GCC2: variants seen among roughly 807,000 people sequenced by gnomAD.
GCC2 encodes GRIP and coiled-coil domain containing 2.
Under a neutral mutation model 210.6 loss-of-function variants are expected in GCC2, and 120 were observed. That is an observed-to-expected ratio of 0.57 (90% CI 0.49 to 0.66). The LOEUF (loss-of-function observed/expected upper bound fraction) is 0.66. GCC2 is among the 30% of genes least tolerant of loss of function. The pLI, the probability that GCC2 is intolerant of heterozygous loss-of-function variation, is 0.00. For missense variants in GCC2, 1,868 were observed against 1,871.9 expected, an observed-to-expected ratio of 1.00 and a Z score of 0.04; for synonymous variants, 703 against 652.7, an observed-to-expected ratio of 1.08 and a Z score of -1.17.
intron 22 of GCC2, among the ~76,000 whole-genome samples, chr2:108,500,374 G>A (rs565018141): frequency 3.9e-5 from 6 of 152,204 alleles, no homozygotes; most frequent in South Asian, 2.1e-4. Flanking sequence ...TTAGCTGGAC[G>A]TGGTGGCATG....
Position 108,470,455 on chromosome 2 carries a change from T to A in GCC2, c.1126T>A (p.Phe376Ile), listed in dbSNP as rs761585182. 3 of 1,607,024 alleles carry A rather than the reference T, an allele frequency of 1.9e-6. No individual in the cohort carries two copies. Among genetic ancestry groups the A allele is most frequent in the Non-Finnish European group, 2.6e-6 (3 of 1,174,564 alleles). ...GGATGCTCAACATATAAAGGATGAGTTTTTTCATGAACGGGAAGACTTAGA... is the reference window on the plus strand; with the variant it reads ...GGATGCTCAACATATAAAGGATGAGATTTTTCATGAACGGGAAGACTTAGA... Reference protein sequence around the residue: ...EMDAQHIKDEFFHEREDLEFK... With the variant: ...EMDAQHIKDEIFHEREDLEFK... Residue 376 changes from phenylalanine to isoleucine, a missense_variant, in exon 6 of 23, where the codon TTT (phenylalanine) becomes ATT (isoleucine). By Grantham distance (21) the Phe-to-Ile change is conservative. This residue lies in a region of GCC2 where 1,847 missense variants were observed against 1,765.2 expected (regional missense o/e 1.05). Transcript: ENST00000309863.
Position 108,475,564 on chromosome 2 carries a change from G to A in GCC2, c.2890G>A (p.Glu964Lys). The A allele has an allele frequency of 2.7e-6, 4 of 1,504,532 alleles. No homozygotes were observed. The highest frequency in any genetic ancestry group is 2.7e-6 in the Non-Finnish European group (3 of 1,118,434). The allele number at this position is 1,504,532 out of a possible 1,614,324, so 93.2% of individuals were successfully genotyped here. ...TCTGGAAAAAGAATGCAAAGAAAAG[G>A]AGGAGAAAATAAATAAGATAAAATT... ...ENLEKECKEK[E>K]EKINKIKLVA... The change falls in exon 8 of 23, where the codon GAG becomes AAG. Residue 964 changes from glutamate (E) to lysine (K), a missense_variant. By Grantham distance (56) the Glu-to-Lys change is moderately conservative. Transcript: ENST00000309863.
At chr2:108,488,424 G>C (rs546868324) in intron 17 of GCC2, among the ~76,000 whole-genome samples, 18 of 152,234 alleles carry the variant, frequency 1.2e-4, no homozygotes, top group African/African-American at 3.1e-4. Context: ...TGTCGTGGTA[G>C]AAATACAGGC....
chr2:108,483,073 T>C lies in GCC2; in HGVS notation c.3357T>C (p.Thr1119=). The stretch of plus-strand genomic sequence containing the variant: ...ATTTTTAATTTCAGGAACATGCCAC[T>C]ACTGTAAATGAACTTGAAGAACTTC... ...QKEQKIKEHA[T]TVNELEELQV... is the part of the protein sequence containing the mutation. Residue 1119 remains threonine (T), a synonymous_variant, in exon 12 of 23, where the codon ACT becomes ACC. Transcript: ENST00000309863. 6.5e-7 allele frequency: 1 copy of C among 1,545,566 alleles called. No homozygotes were observed. Among genetic ancestry groups the C allele is most frequent in the Non-Finnish European group, 8.9e-7 (1 of 1,118,078 alleles).
In GCC2 at chr2:108,508,818, T is replaced by C. The variant is rs1195165001; in HGVS notation, c.*1188T>C. Reference sequence around the variant, plus strand: ...ACTGTGTTGTTCTTAAATCAAAAATTGGATAATTTGTAATATTTATGTGTT... The same window carrying C: ...ACTGTGTTGTTCTTAAATCAAAAATCGGATAATTTGTAATATTTATGTGTT... On this transcript the variant is annotated 3_prime_UTR_variant, in exon 23 of 23. Transcript: ENST00000309863. 6.6e-6 allele frequency: 1 copy of C among 152,634 alleles called. No homozygotes were observed. Among genetic ancestry groups the C allele is most frequent in the African/African-American group, 2.4e-5 (1 of 41,454 alleles). 9.5% of individuals were successfully genotyped at this position (152,634 alleles called of 1,614,324 possible).
At chr2:108,456,877 A>C (rs1389106428) in intron 4 of GCC2, among the ~76,000 whole-genome samples, 1 of 150,470 alleles carries the variant, frequency 6.6e-6, no homozygotes, top group Non-Finnish European at 1.5e-5. Flanking sequence ...TGATCCCAGG[A>C]GGTTGAGGCT....
chr2:108,479,980 C>CAAAAAAAAAAAAAA (rs200934785), intron 9 of GCC2, among the ~76,000 whole-genome samples: 1 of 114,534 alleles, frequency 8.7e-6, no homozygotes, highest in African/African-American at 3.7e-5. Context: ...GACTCCATCT[C>CAAAAAAAAAAAAAA]AAAAAAAAAA....
chr2:108,472,606 A>C (rs1229940549), intron 6 of GCC2, among the ~76,000 whole-genome samples: 1 of 148,014 alleles, frequency 6.8e-6, no homozygotes, highest in Non-Finnish European at 1.5e-5. Flanking sequence ...CTTGGTTACT[A>C]CTTTTTTTTT....
intron 5 of GCC2, 146 bp from the exon 6 acceptor site, chr2:108,469,505 T>C (rs558123300): frequency 6.6e-5 from 39 of 586,918 alleles, no homozygotes; most frequent in African/African-American, 3.0e-4. Context: ...AGGAGAGTTA[T>C]TGGAATATCA....
Position 108,507,646 on chromosome 2 carries a change from A to G in GCC2, c.*16A>G, listed in dbSNP as rs759532918. On this transcript the variant is annotated 3_prime_UTR_variant, in exon 23 of 23. Transcript: ENST00000309863. ...ACTTCGATAGGTTGATGGAAGGAAT[A>G]TTTTTATTAACCAAATAGAATCTAT... The G allele has an allele frequency of 1.2e-5, 18 of 1,490,786 alleles. No homozygotes were observed. The highest frequency in any genetic ancestry group is 1.6e-5 in the Non-Finnish European group (17 of 1,082,774). The allele number at this position is 1,490,786 out of a possible 1,614,324, so 92.3% of individuals were successfully genotyped here. A position where few individuals can be genotyped will look rare whatever the true frequency, so the allele number is the denominator to read the frequency against.
chr2:108,504,482 T>C (rs571508848), intron 22 of GCC2, among the ~76,000 whole-genome samples: 1 of 152,260 alleles, frequency 6.6e-6, no homozygotes, highest in Admixed American at 6.5e-5. Flanking sequence ...CTCTGCGTTA[T>C]AAGGTAAAGT....
Position 108,471,676 on chromosome 2 carries a change from C to T in GCC2, c.2347C>T (p.Leu783=), listed in dbSNP as rs1467722939. The T allele has an allele frequency of 6.2e-7, 1 of 1,613,522 alleles. No homozygotes were observed. The highest frequency in any genetic ancestry group is 1.1e-5 in the South Asian group (1 of 91,022). ...DSEEKDVVNV[L]QAVGESLAKI... The stretch of plus-strand genomic sequence containing the variant: ...TGAAGAGAAAGATGTTGTTAATGTC[C>T]TACAGGCAGTCGGTGAATCCTTGGC... Residue 783 remains leucine, a synonymous_variant, in exon 6 of 23, where the codon CTA becomes TTA. Coordinates refer to ENST00000309863, the MANE Select transcript of GCC2 (RefSeq NM_181453.4).
chr2:108,472,530 A>G (rs1221897517), intron 6 of GCC2, among the ~76,000 whole-genome samples: 1 of 151,996 alleles, frequency 6.6e-6, no homozygotes, highest in Non-Finnish European at 1.5e-5. Context: ...AAAATTAAAG[A>G]TTAAAAATCA....
At chr2:108,487,469 C>T (rs376933033) in intron 16 of GCC2, among the ~76,000 whole-genome samples, 5 of 152,308 alleles carry the variant, frequency 3.3e-5, no homozygotes, top group African/African-American at 7.2e-5. Flanking sequence ...CAAAATATCA[C>T]ATGCACCCCA....
chr2:108,449,408 C>T (rs1360072710), intron 1 of GCC2, 128 bp downstream of exon 1: 5 of 1,434,594 alleles, frequency 3.5e-6, no homozygotes, highest in South Asian at 2.8e-5. Flanking sequence ...CTGCTGTCGC[C>T]TCCCCATCTT....
chr2:108,484,444 TG>T, intron 13 of GCC2, 133 bp downstream of exon 13: 2 of 549,034 alleles, frequency 3.6e-6, no homozygotes. Context: ...TAAATGTTAC[TG>T]GGGACCCAGA....
chr2:108,471,216 G>C lies in GCC2; in HGVS notation c.1887G>C (p.Lys629Asn). The C allele has an allele frequency of 6.2e-7, 1 of 1,605,772 alleles. No homozygotes were observed. Among genetic ancestry groups the C allele is most frequent in the South Asian group, 1.1e-5 (1 of 88,778 alleles). ...REERLILELG[K>N]KVEQTIQYNS... Reference sequence around the variant, plus strand: ...AAAGATTGATTCTTGAACTTGGGAAGAAAGTAGAGCAAACAATCCAGTACA... The same window carrying C: ...AAAGATTGATTCTTGAACTTGGGAACAAAGTAGAGCAAACAATCCAGTACA... Residue 629 changes from lysine (K) to asparagine (N), a missense_variant, in exon 6 of 23, where the codon AAG (lysine) becomes AAC (asparagine). By Grantham distance (94) the Lys-to-Asn change is moderately conservative. This residue lies in a region of GCC2 where 1,847 missense variants were observed against 1,765.2 expected (regional missense o/e 1.05). Transcript: ENST00000309863.
intron 4 of GCC2, among the ~76,000 whole-genome samples, chr2:108,463,154 C>A (rs766971388): frequency 2.0e-5 from 3 of 151,852 alleles, no homozygotes; most frequent in Non-Finnish European, 2.9e-5. Context: ...TCACTGAGCT[C>A]CTTTAGTATC....
intron 4 of GCC2, among the ~76,000 whole-genome samples, chr2:108,456,508 A>G (rs1477051210): frequency 6.6e-6 from 1 of 152,122 alleles, no homozygotes; most frequent in East Asian, 1.9e-4. Flanking sequence ...AGAAATGTCT[A>G]TTCATGTCCC....
Sources: allele counts gnomAD v4.1 joint callset (sites outside exome capture counted in the v4.1 genomes callset), GRCh38; gene constraint gnomAD v4.1.1; regional missense constraint gnomAD v4.1.1; transcripts MANE v1.5; gene names NCBI Gene and HGNC (gene_info 2026-07-23, HGNC 2026-07-21).